The following DNAH1 variants were observed in gnomAD, a reference collection of about 807,000 sequenced individuals.
DNAH1 encodes dynein axonemal heavy chain 1, also known as axonemal beta dynein heavy chain 1.
A neutral mutation model predicts 484.3 loss-of-function variants in DNAH1; 327 were observed. The ratio of observed to expected loss-of-function variants is 0.68; its 90% CI spans 0.62 to 0.74. The LOEUF (loss-of-function observed/expected upper bound fraction) is 0.74. DNAH1 is among the 30% of genes least tolerant of loss of function. The probability of loss-of-function intolerance (pLI) is 0.00; values close to 1 mark genes in which losing one functional copy is unlikely to be tolerated. For synonymous variants in DNAH1, 2,192 were observed against 2,191.9 expected, an observed-to-expected ratio of 1.00 and a Z score of 0.00; for missense variants, 5,052 against 5,546.8, an observed-to-expected ratio of 0.91 and a Z score of 2.83.
chr3:52,329,557 G>A (rs540567063), intron 6 of DNAH1, among the ~76,000 whole-genome samples: 48 of 152,240 alleles, frequency 3.2e-4, no homozygotes, highest in Middle Eastern at 3.4e-3. Flanking sequence ...GCCAGGCGTG[G>A]TGGCTCATGC....
intron 12 of DNAH1, 64 bp downstream of exon 12, chr3:52,348,038 G>A: frequency 6.6e-7 from 1 of 1,511,612 alleles, no homozygotes; most frequent in Non-Finnish European, 8.9e-7. Context: ...GGCTCCCTGA[G>A]CTCAGGGTGC....
Position 52,361,971 on chromosome 3 carries a change from C to G in DNAH1, c.4980+205C>G, listed in dbSNP as rs1475595463. Among the ~76,000 whole-genome samples, 1 of 152,226 alleles carries G rather than the reference C, an allele frequency of 6.6e-6. No homozygotes were observed. Among genetic ancestry groups the G allele is most frequent in the Non-Finnish European group, 1.5e-5 (1 of 68,042 alleles). On this transcript the variant is annotated intron_variant, in intron 30 of 77. Coordinates refer to ENST00000420323, the MANE Select transcript of DNAH1 (RefSeq NM_015512.5). This position sits in a 1 kb window ranked among gnomAD's most constrained non-coding sequence, Gnocchi z 5.6. ...GAAGGGGTCCCCTCCTCATTACATC[C>G]TGACCTTTATGGAAAGCCCCAGGCA...
chr3:52,376,656 A>G (rs917351496), intron 46 of DNAH1, among the ~76,000 whole-genome samples: 19 of 152,012 alleles, frequency 1.2e-4, no homozygotes, highest in African/African-American at 4.3e-4. Flanking sequence ...AACAAGCCCC[A>G]TTCTCCATCT....
intron 8 of DNAH1, among the ~76,000 whole-genome samples, chr3:52,344,002 C>T (rs1195373278): frequency 6.6e-6 from 1 of 152,210 alleles, no homozygotes; most frequent in Non-Finnish European, 1.5e-5. Context: ...GCAGGGGTCA[C>T]CCACCCTCAG....
upstream of DNAH1, among the ~76,000 whole-genome samples, chr3:52,315,136 C>G (rs1397637421): frequency 6.6e-6 from 1 of 152,174 alleles, no homozygotes; most frequent in Non-Finnish European, 1.5e-5. Flanking sequence ...GGCAGTGAAT[C>G]GTAGACCTCA....
intron 15 of DNAH1, 146 bp from the exon 16 acceptor site, chr3:52,350,362 C>T: frequency 5.5e-6 from 5 of 915,502 alleles, no homozygotes; most frequent in Admixed American, 2.1e-5. Flanking sequence ...GCTGCCCTTG[C>T]ACCCTGGGCC....
intron 20 of DNAH1, 102 bp from the exon 21 acceptor site, chr3:52,354,741 G>A (rs1702536194): frequency 8.7e-7 from 1 of 1,150,878 alleles, no homozygotes; most frequent in South Asian, 1.4e-5. Flanking sequence ...CCATGTGGAG[G>A]TCATGGCCAG....
chr3:52,382,582 C>A, intron 50 of DNAH1, 127 bp downstream of exon 50: 2 of 1,447,074 alleles, frequency 1.4e-6, no homozygotes, highest in East Asian at 2.3e-5. Flanking sequence ...CAGAAGAGAC[C>A]ACCAGGACCA....
rs1387190680 is a variant in DNAH1 at position 52,399,594 on chromosome 3, G to T, written c.12491G>T (p.Cys4164Phe). The T allele has an allele frequency of 1.2e-6, 2 of 1,613,962 alleles. No individual in the cohort carries two copies. Among genetic ancestry groups the T allele is most frequent in the Non-Finnish European group, 1.7e-6 (2 of 1,179,870 alleles). ...SELTQRPQVG[C>F]YIHGLFLEGA... is the part of the protein sequence containing the mutation. ...TTAACACAAAGACCCCAAGTAGGGTGCTATATCCATGGATTATTCCTGGAA... is the reference window on the plus strand; with the variant it reads ...TTAACACAAAGACCCCAAGTAGGGTTCTATATCCATGGATTATTCCTGGAA... The change falls in exon 77 of 78, where the codon TGC (cysteine) becomes TTC (phenylalanine). Residue 4164 changes from cysteine to phenylalanine, a missense_variant. By Grantham distance (205) the Cys-to-Phe change is radical. This residue lies in a region of DNAH1 where 853 missense variants were observed against 899.0 expected (regional missense o/e 0.95). Transcript: ENST00000420323.
chr3:52,390,951 A>G lies in DNAH1; in HGVS notation c.9638A>G (p.Asn3213Ser), dbSNP rs199560640. 338 of 1,551,874 alleles carry G rather than the reference A, an allele frequency of 2.2e-4. No homozygotes were observed. Among genetic ancestry groups the G allele is most frequent in the African/African-American group, 2.3e-4 (17 of 73,042 alleles). Reference sequence around the variant, plus strand: ...TCTCCACAGATCGCTGGCCTCCCCAACGACACACTGTCAGTGGAGAACGGG... The same window carrying G: ...TCTCCACAGATCGCTGGCCTCCCCAGCGACACACTGTCAGTGGAGAACGGG... ...IRSWQIAGLP[N>S]DTLSVENGVI... Residue 3213 changes from asparagine (N) to serine (S), a missense_variant, in exon 61 of 78, where the codon AAC becomes AGC. Transcript: ENST00000420323.
chr3:52,331,195 G>A lies in DNAH1; in HGVS notation c.919G>A (p.Val307Ile), dbSNP rs779912625. 21 of 1,607,382 alleles carry A rather than the reference G, an allele frequency of 1.3e-5. No individual in the cohort carries two copies. In the East Asian group the frequency reaches 1.8e-4, roughly 14 times the overall value. The change falls in exon 7 of 78, where the codon GTC (valine) becomes ATC (isoleucine). Residue 307 changes from valine (V) to isoleucine (I), a missense_variant. Transcript: ENST00000420323. ...KLKYKWCEVG[V>I]LDYDEEKKLY... ...GAAGTACAAATGGTGCGAGGTCGGCGTCCTGGACTACGACGAGGAGAAGAA... is the reference window on the plus strand; with the variant it reads ...GAAGTACAAATGGTGCGAGGTCGGCATCCTGGACTACGACGAGGAGAAGAA...
chr3:52,332,680 G>A (rs983444713), intron 8 of DNAH1, among the ~76,000 whole-genome samples: 6 of 152,166 alleles, frequency 3.9e-5, no homozygotes, highest in Non-Finnish European at 8.8e-5. Context: ...TGGCCAGCGG[G>A]AGACTTTTCA....
Position 52,379,938 on chromosome 3 carries a change from G to T in DNAH1, c.7411G>T (p.Glu2471Ter). 2 of 1,574,462 alleles carry T rather than the reference G, an allele frequency of 1.3e-6. No individual in the cohort carries two copies. The highest frequency in any genetic ancestry group is 1.7e-6 in the Non-Finnish European group (2 of 1,160,570). ...QVQLLRLWYH[E>*]NCRVFRDRLV... is the part of the protein sequence containing the mutation. ...GCAGCTGCTGCGACTGTGGTATCAC[G>T]AGAACTGCCGCGTGTTCCGGGACCG... The change falls in exon 48 of 78, where the codon GAG (glutamate) becomes TAG (stop). Residue 2471 changes from glutamate to a stop codon, truncating the protein, a stop_gained. Transcript: ENST00000420323. LOFTEE classifies it high-confidence loss of function. The surrounding 1 kb of genome is among the most constrained non-coding windows in gnomAD (Gnocchi z 4.4).
chr3:52,391,943 C>T (rs538997234), intron 63 of DNAH1, among the ~76,000 whole-genome samples: 19 of 152,300 alleles, frequency 1.2e-4, no homozygotes, highest in Non-Finnish European at 2.6e-4. Flanking sequence ...AGAGCTGACC[C>T]AGAGCCCTGA....
rs760148909 is a variant in DNAH1 at position 52,372,268 on chromosome 3, C to T, written c.6708C>T (p.Thr2236=). 6.2e-7 allele frequency: 1 copy of T among 1,613,966 alleles called. No homozygotes were observed. The highest frequency in any genetic ancestry group is 8.5e-7 in the Non-Finnish European group (1 of 1,179,848). Residue 2236 remains threonine, a synonymous_variant, in exon 43 of 78, where the codon ACC becomes ACT. Coordinates refer to ENST00000420323, the MANE Select transcript of DNAH1 (RefSeq NM_015512.5). ...CAACAGGCACGGGGAAGACGCTCAC[C>T]ATCTCTGACAAGCTCCTCAAGAACC... The part of the protein sequence containing the change: ...IGPTGTGKTL[T]ISDKLLKNLA...
In DNAH1 at chr3:52,397,855, C is replaced by T. The variant is rs1214877031; in HGVS notation, c.11936C>T (p.Ala3979Val). 3 of 1,607,202 alleles carry T rather than the reference C, an allele frequency of 1.9e-6. No individual in the cohort carries two copies. Among genetic ancestry groups the T allele is most frequent in the East Asian group, 2.2e-5 (1 of 44,852 alleles). ...CAGCTGCAACCCAAATCATCTTCTGCAGGCAGCCAGGGCCGGGAGGAGGTG... is the reference window on the plus strand; with the variant it reads ...CAGCTGCAACCCAAATCATCTTCTGTAGGCAGCCAGGGCCGGGAGGAGGTG... The part of the protein sequence containing the change: ...IIQLQPKSSS[A>V]GSQGREEIVE... Residue 3979 changes from alanine to valine, a missense_variant, in exon 74 of 78, where the codon GCA becomes GTA. Coordinates refer to ENST00000420323, the MANE Select transcript of DNAH1 (RefSeq NM_015512.5).
At chr3:52,337,615 A>G (rs2153223445) in intron 8 of DNAH1, among the ~76,000 whole-genome samples, 1 of 152,210 alleles carries the variant, frequency 6.6e-6, no homozygotes, top group East Asian at 1.9e-4. Context: ...GTGTATTGTA[A>G]TATAATGCTA....
At chr3:52,394,111 C>T (rs1215719335) in intron 66 of DNAH1, among the ~76,000 whole-genome samples, 2 of 152,248 alleles carry the variant, frequency 1.3e-5, no homozygotes, top group African/African-American at 2.4e-5. Flanking sequence ...CTATGCATTT[C>T]GTGGTGCAGC....
rs557116209 is a variant in DNAH1, at chr3:52,358,095, G to A, written c.4086+92G>A. ...CCTTTGTGATGAGCCCTTTTAGCAG[G>A]AAATGTGGCAAATGACATTCCTGGT... On this transcript the variant is annotated intron_variant, in intron 24 of 77. Coordinates refer to ENST00000420323, the MANE Select transcript of DNAH1 (RefSeq NM_015512.5). This position sits in a 1 kb window ranked among gnomAD's most constrained non-coding sequence, Gnocchi z 4.2. 4.6e-5 allele frequency: 46 copies of A among 1,010,162 alleles called. No individual in the cohort carries two copies. The East Asian group carries it at 1.0e-3, about 23-fold the overall frequency. 62.6% of individuals were successfully genotyped at this position (1,010,162 alleles called of 1,614,324 possible).
Sources: allele counts gnomAD v4.1 joint callset (sites outside exome capture counted in the v4.1 genomes callset), GRCh38; gene constraint gnomAD v4.1.1; regional missense constraint gnomAD v4.1.1; non-coding constraint Gnocchi (gnomAD v3.1); transcripts MANE v1.5; gene names NCBI Gene and HGNC (gene_info 2026-07-23, HGNC 2026-07-21).